PCDHA9: variants seen among roughly 807,000 people sequenced by gnomAD.
PCDHA9 encodes protocadherin alpha-9.
Under a neutral mutation model 62.0 loss-of-function variants are expected in PCDHA9, and 62 were observed. The ratio of observed to expected loss-of-function variants is 1.00; its 90% CI spans 0.81 to 1.23. PCDHA9 has a LOEUF of 1.23. PCDHA9 is among the 50% of genes most tolerant of loss of function. The probability of loss-of-function intolerance (pLI) is 0.00; values close to 1 mark genes in which losing one functional copy is unlikely to be tolerated. For missense variants in PCDHA9, 1,205 were observed against 1,249.8 expected (o/e 0.96, Z 0.54); for synonymous variants, 557 against 567.6 (o/e 0.98, Z 0.27).
intron 1 of PCDHA9, chr5:140,875,592 A>G: frequency 6.2e-7 from 1 of 1,613,992 alleles, no homozygotes; most frequent in Non-Finnish European, 8.5e-7. Flanking sequence ...AGGAGGCCAA[A>G]CACGGCACCT....
At chr5:140,912,679 T>G (rs367681467) in intron 1 of PCDHA9, among the ~76,000 whole-genome samples, 3 of 152,334 alleles carry the variant, frequency 2.0e-5, no homozygotes, top group South Asian at 4.1e-4. Context: ...CCTTGACTTA[T>G]TCCAGGTCTC....
At chr5:140,927,679 G>A (rs782403424) in intron 1 of PCDHA9, 11 of 1,614,188 alleles carry the variant, frequency 6.8e-6, no homozygotes, top group Non-Finnish European at 5.1e-6. Flanking sequence ...TCCAGATGAA[G>A]GGTCCAATGG....
chr5:140,883,702 T>C (rs367854871), intron 1 of PCDHA9: 80 of 1,613,632 alleles, frequency 5.0e-5, no homozygotes, highest in South Asian at 6.6e-5. Context: ...TCACGGTGTC[T>C]GCTCAGGACG....
chr5:140,952,371 C>T (rs186648472), intron 1 of PCDHA9, among the ~76,000 whole-genome samples: 1 of 151,860 alleles, frequency 6.6e-6, no homozygotes, highest in African/African-American at 2.4e-5. Flanking sequence ...AAGAAATTTC[C>T]TCTGCCAGGT....
chr5:140,853,541 G>A, intron 1 of PCDHA9: 2 of 979,320 alleles, frequency 2.0e-6, no homozygotes, highest in Non-Finnish European at 2.5e-6. Context: ...TTTTCAAGTT[G>A]TAATTACTAT....
rs528840085 is a variant in PCDHA9 at position 140,876,225 on chromosome 5, GT to G, written c.2394+25337del. 8.8e-5 allele frequency: 142 copies of G among 1,613,982 alleles called. No homozygotes were observed. The African/African-American group carries it at 1.7e-3, about 20-fold the overall frequency. The stretch of plus-strand genomic sequence containing the variant: ...ATAAGCCCAGCTATAAAGTAGTGTT[GT>G]CTGAAAATGTCCAAAACGACACAAG... On this transcript the variant is annotated intron_variant, in intron 1 of 3. Coordinates refer to ENST00000532602, the MANE Select transcript of PCDHA9 (RefSeq NM_031857.2).
chr5:140,941,255 C>CTTTCTTTCTTTCTTTCTTTCTCTT (rs782490896), intron 1 of PCDHA9, among the ~76,000 whole-genome samples: 1 of 44,508 alleles, frequency 2.2e-5, no homozygotes, highest in Non-Finnish European at 5.1e-5. Flanking sequence ...TTCTTTCTTT[C>CTTTCTTTCTTTCTTTCTTTCTCTT]TCTTTCTTTC....
intron 1 of PCDHA9, among the ~76,000 whole-genome samples, chr5:140,886,844 AAAAG>A (rs1232979230): frequency 6.0e-5 from 9 of 150,634 alleles, no homozygotes; most frequent in Non-Finnish European, 8.9e-5. Flanking sequence ...AAAAAAAAAA[AAAAG>A]AAAGGTCTTC....
At chr5:140,966,882 C>T (rs782464160) in intron 1 of PCDHA9, 1 of 1,589,690 alleles carries the variant, frequency 6.3e-7, no homozygotes, top group Admixed American at 1.7e-5. Flanking sequence ...CTACCTGGCC[C>T]TGCGGCCTCC....
chr5:140,871,452 G>A (rs1207559291), intron 1 of PCDHA9: 2 of 1,608,490 alleles, frequency 1.2e-6, no homozygotes, highest in East Asian at 2.2e-5. Context: ...ATAAAGAGGA[G>A]GAAGGGGAAA....
chr5:140,914,318 T>C (rs2076678777), intron 1 of PCDHA9, among the ~76,000 whole-genome samples: 6 of 152,216 alleles, frequency 3.9e-5, no homozygotes, highest in Admixed American at 3.9e-4. Flanking sequence ...CCCATTATCA[T>C]TGTACAAAGA....
chr5:140,989,805 A>G (rs3776110), intron 3 of PCDHA9, among the ~76,000 whole-genome samples: 8,341 of 152,306 alleles, frequency 0.055, 292 homozygotes, highest in East Asian at 0.12. Context: ...GGAAAGGGCC[A>G]TAAGATTGGT....
chr5:140,869,089 C>T (rs141432478), intron 1 of PCDHA9: 5 of 1,588,880 alleles, frequency 3.1e-6, no homozygotes, highest in Non-Finnish European at 4.3e-6. Flanking sequence ...ATTTTGGAAG[C>T]CAATTTCGTA....
chr5:140,864,764 T>C (rs1202500851), intron 1 of PCDHA9: 2 of 152,238 alleles, frequency 1.3e-5, no homozygotes, highest in East Asian at 3.8e-4. Context: ...TTTTCTTTCA[T>C]TTTTGGTACC....
chr5:140,850,295 C>G lies in PCDHA9; in HGVS notation c.1800C>G (p.Asp600Glu), dbSNP rs2150478300. Residue 600 changes from aspartate (D) to glutamate (E), a missense_variant, in exon 1 of 4, where the codon GAC becomes GAG. This residue lies in a region of PCDHA9 where 887 missense variants were observed against 809.5 expected (regional missense o/e 1.10). Coordinates refer to ENST00000532602, the MANE Select transcript of PCDHA9 (RefSeq NM_031857.2). ...VVGKVRAVDA[D>E]SGYNAWLSYE... ...GGAAGGTGCGCGCAGTGGACGCCGA[C>G]TCGGGCTACAACGCGTGGCTTTCAT... 9 of 1,596,420 alleles carry G rather than the reference C, an allele frequency of 5.6e-6. No individual in the cohort carries two copies. The highest frequency in any genetic ancestry group is 7.7e-6 in the Non-Finnish European group (9 of 1,167,584).
chr5:141,000,393 C>A (rs60881126), intron 3 of PCDHA9, among the ~76,000 whole-genome samples: 1,562 of 52,558 alleles, frequency 0.03, 14 homozygotes, highest in East Asian at 0.037. Context: ...CTCTCTCTCT[C>A]TCTATATATA....
intron 1 of PCDHA9, chr5:140,927,755 C>T (rs1388061408): frequency 6.2e-7 from 1 of 1,614,196 alleles, no homozygotes; most frequent in South Asian, 1.1e-5. Flanking sequence ...CACGTGCACC[C>T]TAAAAGTGGG....
In PCDHA9 at chr5:140,848,788, G is replaced by A. The variant is rs2150420579; in HGVS notation, c.293G>A (p.Arg98Gln). 23 of 1,593,058 alleles carry A rather than the reference G, an allele frequency of 1.4e-5. 3 individuals are homozygous for A. Among genetic ancestry groups the A allele is most frequent in the African/African-American group, 1.3e-5 (1 of 74,170 alleles). The change falls in exon 1 of 4, where the codon CGG becomes CAG. Residue 98 changes from arginine (R) to glutamine (Q), a missense_variant. Coordinates refer to ENST00000532602, the MANE Select transcript of PCDHA9 (RefSeq NM_031857.2). ...ATCGACCGCGAGGAGCTGTGCGGGCGGAGCGCGGAGTGCAGCATCCACCTG... is the reference window on the plus strand; with the variant it reads ...ATCGACCGCGAGGAGCTGTGCGGGCAGAGCGCGGAGTGCAGCATCCACCTG... ...SRIDREELCG[R>Q]SAECSIHLEV...
chr5:140,904,555 CT>C (rs569725486), intron 1 of PCDHA9, among the ~76,000 whole-genome samples: 14 of 151,628 alleles, frequency 9.2e-5, no homozygotes, highest in Non-Finnish European at 1.8e-4. Context: ...CATATAATGA[CT>C]TTTTTTTCCT....
Sources: allele counts gnomAD v4.1 joint callset (sites outside exome capture counted in the v4.1 genomes callset), GRCh38; gene constraint gnomAD v4.1.1; regional missense constraint gnomAD v4.1.1; transcripts MANE v1.5; gene names NCBI Gene and HGNC (gene_info 2026-07-23, HGNC 2026-07-21).